LRIF1: variants seen among roughly 807,000 people sequenced by gnomAD.
LRIF1 encodes the protein ligand dependent nuclear receptor interacting factor 1.
A neutral mutation model predicts 52.7 loss-of-function variants in LRIF1; 32 were observed. The observed-to-expected ratio is 0.61, with a 90% CI of 0.46 to 0.82. LRIF1 has a LOEUF of 0.82. LRIF1 is among the 40% of genes least tolerant of loss of function. The probability of loss-of-function intolerance (pLI) is 0.00; values close to 1 mark genes in which losing one functional copy is unlikely to be tolerated. For synonymous variants in LRIF1, 323 were observed against 317.4 expected (o/e 1.02, Z -0.19); for missense variants, 887 against 892.0 (o/e 0.99, Z 0.07).
the LRIF1 span, among the ~76,000 whole-genome samples, chr1:110,911,802 A>G: frequency 2.0e-4 from 30 of 152,332 alleles, no homozygotes; most frequent in African/African-American, 6.5e-4. Context: ...ATAAAAATTA[A>G]CACCCCTTCA....
the LRIF1 span, among the ~76,000 whole-genome samples, chr1:110,916,247 T>C: frequency 6.6e-6 from 1 of 152,142 alleles, no homozygotes; most frequent in South Asian, 2.1e-4. Flanking sequence ...ACAACAATAA[T>C]AATATCTTGC....
chr1:110,903,265 C>T, the LRIF1 span, among the ~76,000 whole-genome samples: 1 of 152,190 alleles, frequency 6.6e-6, no homozygotes, highest in Non-Finnish European at 1.5e-5. Context: ...CTGGGAGGGG[C>T]ATGTGACCTA....
the LRIF1 span, among the ~76,000 whole-genome samples, chr1:110,907,232 C>T: frequency 2.0e-5 from 3 of 152,104 alleles, no homozygotes; most frequent in Non-Finnish European, 4.4e-5. Flanking sequence ...CCTGGTGATA[C>T]GTAAGTAGAT....
At chr1:110,963,327 T>A in intron 1 of LRIF1, 1 of 234,572 alleles carries the variant, frequency 4.3e-6, no homozygotes, top group Non-Finnish European at 8.5e-6. Flanking sequence ...CATAAGAGCG[T>A]CGGCCATCTT....
intron 1 of LRIF1, among the ~76,000 whole-genome samples, chr1:110,962,777 T>C (rs1659013106): frequency 6.6e-6 from 1 of 152,182 alleles, no homozygotes; most frequent in South Asian, 2.1e-4. Flanking sequence ...TTTTGCATCT[T>C]AGTTCTTCAT....
chr1:110,924,420 G>A, the LRIF1 span, among the ~76,000 whole-genome samples: 2 of 152,168 alleles, frequency 1.3e-5, no homozygotes, highest in African/African-American at 4.8e-5. Flanking sequence ...AGTTCCACAT[G>A]GTGGGAAGAC....
chr1:110,891,343 G>T, the LRIF1 span: 1 of 1,259,066 alleles, frequency 7.9e-7, no homozygotes, highest in Middle Eastern at 2.0e-4. Context: ...CTGATCTCTG[G>T]CTACCTTACA....
rs374452637 is a variant in LRIF1 at position 110,948,348 on chromosome 1, T to C, written c.1921A>G (p.Ile641Val). The part of the protein sequence containing the change: ...KAKTNKKMDH[I>V]KKRKTENAYN... The stretch of plus-strand genomic sequence containing the variant: ...GCATTCTCTGTTTTTCTCTTCTTTA[T>C]GTGATCCATCTTCTTATTAGTTTTT... Residue 641 changes from isoleucine (I) to valine (V), a missense_variant, in exon 4 of 4, where the codon ATA (isoleucine) becomes GTA (valine). Transcript: ENST00000369763. 23 of 1,613,838 alleles carry C rather than the reference T, an allele frequency of 1.4e-5. No homozygotes were observed. Among genetic ancestry groups the C allele is most frequent in the Non-Finnish European group, 1.9e-5 (23 of 1,179,920 alleles).
chr1:110,928,491 C>T, the LRIF1 span, among the ~76,000 whole-genome samples: 1 of 152,056 alleles, frequency 6.6e-6, no homozygotes, highest in East Asian at 1.9e-4. Flanking sequence ...CATCAGTGAA[C>T]AAAACAGTCA....
intron 1 of LRIF1, among the ~76,000 whole-genome samples, chr1:110,961,991 G>C (rs1287922646): frequency 1.3e-5 from 2 of 150,566 alleles, no homozygotes; most frequent in East Asian, 3.9e-4. Context: ...AATGACTTAT[G>C]AATGTAATTT....
chr1:110,953,505 A>T (rs1341707437), intron 1 of LRIF1, among the ~76,000 whole-genome samples: 2 of 152,196 alleles, frequency 1.3e-5, no homozygotes, highest in Non-Finnish European at 2.9e-5. Context: ...TACCACTGCA[A>T]TTTCAGCTGA....
the LRIF1 span, among the ~76,000 whole-genome samples, chr1:110,886,869 A>ATATATTT: frequency 3.4e-4 from 28 of 82,782 alleles, no homozygotes; most frequent in South Asian, 1.3e-3. Context: ...ATATATATAT[A>ATATATTT]TTTTTTTTTT....
Position 110,951,610 on chromosome 1 carries a change from T to C in LRIF1, c.1274A>G (p.Glu425Gly). 6.2e-7 allele frequency: 1 copy of C among 1,614,100 alleles called. No homozygotes were observed. The highest frequency in any genetic ancestry group is 1.1e-5 in the South Asian group (1 of 91,084). ...VLAKSKSSQM[E>G]TKSLSNTQLA... is the part of the protein sequence containing the mutation. ...CTGGGTATTGGAAAGTGATTTTGTC[T>C]CCATCTGGGAAGATTTACTTTTAGC... The change falls in exon 2 of 4, where the codon GAG becomes GGG. Residue 425 changes from glutamate to glycine, a missense_variant. Transcript: ENST00000369763.
At chr1:110,877,935 A>G in the LRIF1 span, among the ~76,000 whole-genome samples, 1 of 152,218 alleles carries the variant, frequency 6.6e-6, no homozygotes, top group Non-Finnish European at 1.5e-5. Flanking sequence ...GAAAAATGGA[A>G]GGTCTTCTCC....
chr1:110,917,632 TTG>T, the LRIF1 span, among the ~76,000 whole-genome samples: 1 of 99,938 alleles, frequency 1.0e-5, no homozygotes, highest in East Asian at 4.6e-4. Context: ...CTTATTTTTT[TTG>T]TTTTTTTGTT....
chr1:110,935,363 A>G, the LRIF1 span, among the ~76,000 whole-genome samples: 2 of 152,240 alleles, frequency 1.3e-5, no homozygotes, highest in Admixed American at 1.3e-4. Context: ...ACTAATCCTG[A>G]AGAAACGGAG....
chr1:110,876,731 A>G, the LRIF1 span, among the ~76,000 whole-genome samples: 3 of 152,168 alleles, frequency 2.0e-5, no homozygotes, highest in Non-Finnish European at 2.9e-5. Context: ...AATGATTTTG[A>G]GATGAGAATC....
At chr1:110,895,050 T>A in the LRIF1 span, 1 of 1,610,742 alleles carries the variant, frequency 6.2e-7, no homozygotes, top group Non-Finnish European at 8.5e-7. Flanking sequence ...CTCCATCCAG[T>A]CATTTGTGAG....
At position 110,949,880 on chromosome 1, in the gene LRIF1, A is replaced by T; in HGVS notation, c.1840T>A (p.Phe614Ile). ...VKSGTYKETE[F>I]MVKEGERKQQ... ...TTTCTCTCTCCTTCCTTCACCATAA[A>T]CTCTGTCTCTTTGTAAGTACCACTC... Residue 614 changes from phenylalanine to isoleucine, a missense_variant, in exon 3 of 4, where the codon TTT becomes ATT. Transcript: ENST00000369763. The T allele has an allele frequency of 6.2e-7, 1 of 1,613,924 alleles. No homozygotes were observed. Among genetic ancestry groups the T allele is most frequent in the Non-Finnish European group, 8.5e-7 (1 of 1,179,954 alleles).
Sources: gnomAD v4.1 joint callset for allele counts (sites outside exome capture counted in the v4.1 genomes callset) on GRCh38, gnomAD v4.1.1 for gene constraint, MANE v1.5 for transcripts, NCBI Gene and HGNC (gene_info 2026-07-23, HGNC 2026-07-21) for gene names.